FNDC3B: variants seen among roughly 807,000 people sequenced by gnomAD.
FNDC3B encodes the protein fibronectin type III domain-containing protein 3B.
A neutral mutation model predicts 151.5 loss-of-function variants in FNDC3B; 12 were observed. The observed-to-expected ratio is 0.08, with a 90% confidence interval of 0.05 to 0.13. The LOEUF (loss-of-function observed/expected upper bound fraction) is 0.13, where lower values mean the gene tolerates loss of function less well. Ranked by LOEUF, FNDC3B falls within the 10% of genes least tolerant of loss-of-function variation. The pLI, the probability that FNDC3B is intolerant of heterozygous loss-of-function variation, is 1.00. For synonymous variants in FNDC3B, 528 were observed against 549.0 expected, an observed-to-expected ratio of 0.96 and a Z score of 0.54; for missense variants, 1,214 against 1,505.3, an observed-to-expected ratio of 0.81 and a Z score of 3.20.
At chr3:172,330,413 C>A in intron 12 of FNDC3B, 128 bp from the exon 13 acceptor site, 1 of 718,130 alleles carries the variant, frequency 1.4e-6, no homozygotes, top group Non-Finnish European at 2.3e-6. Flanking sequence ...ACACAGCATC[C>A]TTACCTGGCT....
chr3:172,322,331 G>A (rs987180678), intron 11 of FNDC3B, among the ~76,000 whole-genome samples: 28 of 152,316 alleles, frequency 1.8e-4, no homozygotes, highest in African/African-American at 6.7e-4. Flanking sequence ...TCAGGGTAGT[G>A]AGAATCGAAA....
intron 3 of FNDC3B, among the ~76,000 whole-genome samples, chr3:172,211,537 A>G (rs866683858): frequency 7.2e-5 from 11 of 152,250 alleles, no homozygotes; most frequent in Non-Finnish European, 2.9e-5. Flanking sequence ...CCCAAGGGGA[A>G]TGGTTGGAAG....
chr3:172,124,478 G>A (rs902516519), intron 2 of FNDC3B, among the ~76,000 whole-genome samples: 2 of 152,230 alleles, frequency 1.3e-5, no homozygotes, highest in African/African-American at 4.8e-5. Context: ...GAGGGGGACA[G>A]TGACTCATTT....
At chr3:172,116,113 G>A (rs1478950830) in intron 2 of FNDC3B, among the ~76,000 whole-genome samples, 1 of 152,040 alleles carries the variant, frequency 6.6e-6, no homozygotes, top group Non-Finnish European at 1.5e-5. Context: ...GGAGGGAAAG[G>A]GCAAGAGTGA....
intron 1 of FNDC3B, among the ~76,000 whole-genome samples, chr3:172,109,314 C>T (rs1028531987): frequency 1.5e-4 from 23 of 152,098 alleles, no homozygotes; most frequent in Admixed American, 8.5e-4. Context: ...TACAGGCGCC[C>T]GCCACTGCGC....
At chr3:172,296,520 A>ACT (rs1553785255) in intron 8 of FNDC3B, among the ~76,000 whole-genome samples, 1 of 151,740 alleles carries the variant, frequency 6.6e-6, no homozygotes, top group Admixed American at 6.6e-5. Context: ...TCCACCCCCG[A>ACT]CTCTTGCTCT....
intron 2 of FNDC3B, among the ~76,000 whole-genome samples, chr3:172,121,980 A>G (rs1229017379): frequency 6.6e-6 from 1 of 152,212 alleles, no homozygotes; most frequent in Non-Finnish European, 1.5e-5. Flanking sequence ...GTTGAATGTG[A>G]TGTGATAGCT....
At chr3:172,257,064 C>A (rs1436578366) in intron 6 of FNDC3B, among the ~76,000 whole-genome samples, 3 of 152,094 alleles carry the variant, frequency 2.0e-5, no homozygotes, top group Non-Finnish European at 4.4e-5. Flanking sequence ...GCACCTGCCA[C>A]CATGCCTGGC....
chr3:172,297,679 T>A (rs1253483237), intron 8 of FNDC3B, among the ~76,000 whole-genome samples: 1 of 152,040 alleles, frequency 6.6e-6, no homozygotes, highest in Non-Finnish European at 1.5e-5. Flanking sequence ...TTTCACCGTG[T>A]TAGCCAGGAT....
chr3:172,054,229 A>T lies in FNDC3B; in HGVS notation c.-29+14458A>T, dbSNP rs193295071. ...TACCCAAGGCAGCCACAGGGATGGG[A>T]TGAGCAAAGGACTAGAGGGTGTCTA... On this transcript the variant is annotated intron_variant, in intron 1 of 25. Transcript: ENST00000415807. 7.9e-4 allele frequency among the ~76,000 whole-genome samples: 120 copies of T among 152,282 alleles called. 1 individual carries two copies.
intron 3 of FNDC3B, chr3:172,225,370 G>T: frequency 5.4e-6 from 1 of 185,192 alleles, no homozygotes; most frequent in Admixed American, 5.1e-5. Context: ...ATGGGATCTC[G>T]CTATGTTGCC....
rs1459180540 is a variant in FNDC3B, at chr3:172,401,192, A to C, written c.*3717A>C. The C allele has an allele frequency of 6.6e-6, 1 of 152,360 alleles. No individual in the cohort carries two copies. Among genetic ancestry groups the C allele is most frequent in the African/African-American group, 2.4e-5 (1 of 41,424 alleles). The allele number at this position is 152,360 out of a possible 1,614,324, so 9.4% of individuals were successfully genotyped here. On this transcript the variant is annotated 3_prime_UTR_variant, in exon 26 of 26. Transcript: ENST00000415807. ...CTCGGCCTCCCAAAGTGCTGGGATT[A>C]CAGGTGTGAGCCCCCGCACCCAGCC...
chr3:172,177,011 T>C (rs1333019404), intron 3 of FNDC3B, among the ~76,000 whole-genome samples: 1 of 152,136 alleles, frequency 6.6e-6, no homozygotes, highest in African/African-American at 2.4e-5. Context: ...ATAAGATTCT[T>C]GGTGAAGACA....
intron 1 of FNDC3B, among the ~76,000 whole-genome samples, chr3:172,083,065 A>T (rs2108501038): frequency 6.6e-6 from 1 of 152,342 alleles, no homozygotes; most frequent in African/African-American, 2.4e-5. Flanking sequence ...TACCAAGAAC[A>T]ACATCTCAGA....
At position 172,347,295 on chromosome 3, in the gene FNDC3B, T is replaced by C; in HGVS notation, c.2448T>C (p.His816=). The part of the protein sequence containing the change: ...EDEESLELIY[H]GTDTRFEIRD... ...AAGAATCCTTAGAACTCATTTATCA[T>C]GGGACAGACACCCGTTTTGAAATAA... The change falls in exon 21 of 26, where the codon CAT becomes CAC. Residue 816 remains histidine, a synonymous_variant. Transcript: ENST00000415807. The C allele has an allele frequency of 1.2e-6, 2 of 1,614,104 alleles. No individual in the cohort carries two copies. The highest frequency in any genetic ancestry group is 1.1e-5 in the South Asian group (1 of 91,080).
At chr3:172,263,859 C>A (rs1045554637) in intron 6 of FNDC3B, among the ~76,000 whole-genome samples, 1 of 152,092 alleles carries the variant, frequency 6.6e-6, no homozygotes, top group African/African-American at 2.4e-5. Context: ...CATTAGCATT[C>A]CTCTGAAGAA....
intron 1 of FNDC3B, among the ~76,000 whole-genome samples, chr3:172,095,649 T>A (rs963909105): frequency 1.3e-5 from 2 of 152,222 alleles, no homozygotes; most frequent in African/African-American, 4.8e-5. Flanking sequence ...TTCTGTGTAC[T>A]ATTTTTCCCC....
At chr3:172,195,432 A>G (rs1463866220) in intron 3 of FNDC3B, among the ~76,000 whole-genome samples, 1 of 152,246 alleles carries the variant, frequency 6.6e-6, no homozygotes, top group African/African-American at 2.4e-5. Flanking sequence ...TACTGGGTCA[A>G]TAATTCTGTT....
chr3:172,109,190 G>A (rs1412118281), intron 1 of FNDC3B, among the ~76,000 whole-genome samples: 1 of 140,146 alleles, frequency 7.1e-6, no homozygotes, highest in African/African-American at 2.9e-5. Flanking sequence ...TTTTGAGACG[G>A]AGTCTTGCTC....
Sources: gnomAD v4.1 joint callset for allele counts (sites outside exome capture counted in the v4.1 genomes callset) on GRCh38, gnomAD v4.1.1 for gene constraint, MANE v1.5 for transcripts, NCBI Gene and HGNC (gene_info 2026-07-23, HGNC 2026-07-21) for gene names.